PLEKHA6: variants seen among roughly 807,000 people sequenced by gnomAD.
PLEKHA6 encodes the protein pleckstrin homology domain-containing family A member 6.
A neutral mutation model predicts 116.7 loss-of-function variants in PLEKHA6; 60 were observed. The ratio of observed to expected loss-of-function variants is 0.51; its 90% CI spans 0.42 to 0.64. The LOEUF (loss-of-function observed/expected upper bound fraction) is 0.64, where lower values mean the gene tolerates loss of function less well. Among genes scored for constraint, PLEKHA6 ranks in the 30% least tolerant of loss-of-function variants. PLEKHA6 has a pLI of 0.00. For synonymous variants in PLEKHA6, 489 were observed against 556.1 expected (o/e 0.88, Z 1.70); for missense variants, 1,338 against 1,422.7 (o/e 0.94, Z 0.96).
intron 6 of PLEKHA6, among the ~76,000 whole-genome samples, chr1:204,263,572 G>T (rs1666403817): frequency 6.6e-6 from 1 of 152,138 alleles, no homozygotes; most frequent in Non-Finnish European, 1.5e-5. Flanking sequence ...AAGGAGGCGA[G>T]GGGCTGGTGG....
chr1:204,297,731 A>AC (rs1253601553), intron 1 of PLEKHA6: 3 of 212,304 alleles, frequency 1.4e-5, no homozygotes, highest in Non-Finnish European at 2.4e-5. Flanking sequence ...CATTGTCTCA[A>AC]CCCCCCAGCT....
intron 17 of PLEKHA6, among the ~76,000 whole-genome samples, chr1:204,234,087 AG>A (rs1661600118): frequency 6.6e-6 from 1 of 152,196 alleles, no homozygotes; most frequent in African/African-American, 2.4e-5. Context: ...AGGTCTCTGC[AG>A]ATGTAATTAA....
At chr1:204,227,262 G>A (rs1440877189) in intron 21 of PLEKHA6, among the ~76,000 whole-genome samples, 2 of 152,042 alleles carry the variant, frequency 1.3e-5, no homozygotes, top group African/African-American at 4.8e-5. Flanking sequence ...TCTTAACTGT[G>A]GCCTTCAAAG....
At chr1:204,310,930 G>T (rs554759865) in intron 1 of PLEKHA6, among the ~76,000 whole-genome samples, 25 of 152,284 alleles carry the variant, frequency 1.6e-4, no homozygotes, top group Non-Finnish European at 3.4e-4. Context: ...ATGCGGGTGT[G>T]GGGAGGAACT....
In PLEKHA6 at chr1:204,230,443, G is replaced by A. The variant is rs199834775; in HGVS notation, c.2553C>T (p.Pro851=). ...RSLQLPASPA[P]DPSPRPAYKV... is the part of the protein sequence containing the mutation. ...TGTAGGCTGGCCGGGGACTGGGGTC[G>A]GGGGCCGGGCTGGCCGGGAGCTGCA... The change falls in exon 18 of 23, where the codon CCC becomes CCT. Residue 851 remains proline, a synonymous_variant. Coordinates refer to ENST00000272203, the MANE Select transcript of PLEKHA6 (RefSeq NM_014935.5). 446 of 1,584,910 alleles carry A rather than the reference G, an allele frequency of 2.8e-4. 7 individuals are homozygous for A. The East Asian group carries it at 9.8e-3, about 35-fold the overall frequency.
chr1:204,343,766 G>A (rs572145352), intron 1 of PLEKHA6, among the ~76,000 whole-genome samples: 2 of 152,322 alleles, frequency 1.3e-5, no homozygotes, highest in South Asian at 4.1e-4. Flanking sequence ...GCCTGACCAT[G>A]TGCCCGAGAC....
rs1301928115 is a variant in PLEKHA6 at position 204,221,688 on chromosome 1, A to C, written c.*1100T>G. 1 of 152,428 alleles carries C rather than the reference A, an allele frequency of 6.6e-6. No homozygotes were observed. The highest frequency in any genetic ancestry group is 6.5e-5 in the Admixed American group (1 of 15,288). The allele number at this position is 152,428 out of a possible 1,614,324, so 9.4% of individuals were successfully genotyped here. On this transcript the variant is annotated 3_prime_UTR_variant, in exon 23 of 23. Transcript: ENST00000272203. ...GGCCCCAAGGCTGACCACACCCTAC[A>C]TAAGACAAGTCCTTCTCTCTGCCCC...
intron 1 of PLEKHA6, among the ~76,000 whole-genome samples, chr1:204,302,823 C>T (rs1365300406): frequency 6.6e-6 from 1 of 152,032 alleles, no homozygotes; most frequent in Non-Finnish European, 1.5e-5. Flanking sequence ...TTGTGGTGAG[C>T]CGATATCAAG....
At chr1:204,306,623 C>A (rs977440390) in intron 1 of PLEKHA6, among the ~76,000 whole-genome samples, 9 of 152,116 alleles carry the variant, frequency 5.9e-5, no homozygotes, top group Admixed American at 1.3e-4. Flanking sequence ...TCTCACCTTC[C>A]CAACAGACAG....
At chr1:204,281,793 C>T (rs183640018) in intron 1 of PLEKHA6, among the ~76,000 whole-genome samples, 6 of 151,220 alleles carry the variant, frequency 4.0e-5, no homozygotes, top group Admixed American at 3.9e-4. Context: ...CCTCCCTGCC[C>T]CAAGCCAGTT....
chr1:204,281,737 C>T (rs1194822874), intron 1 of PLEKHA6, among the ~76,000 whole-genome samples: 1 of 152,112 alleles, frequency 6.6e-6, no homozygotes, highest in Admixed American at 6.5e-5. Context: ...CTTGCTCATC[C>T]CCCCTTTGAT....
At chr1:204,270,899 G>A (rs1455409124) in intron 3 of PLEKHA6, among the ~76,000 whole-genome samples, 1 of 152,098 alleles carries the variant, frequency 6.6e-6, no homozygotes, top group Non-Finnish European at 1.5e-5. Context: ...TGTGCTCCCT[G>A]GCATTGGGGG....
chr1:204,370,052 A>G (rs901756434), intron 2 of PLEKHA6, among the ~76,000 whole-genome samples: 2 of 152,246 alleles, frequency 1.3e-5, no homozygotes, highest in Non-Finnish European at 2.9e-5. Context: ...CCCTAGTGCA[A>G]GAGCACACTG....
chr1:204,339,492 G>A (rs1051841237), intron 1 of PLEKHA6, among the ~76,000 whole-genome samples: 23 of 152,328 alleles, frequency 1.5e-4, no homozygotes, highest in African/African-American at 4.8e-4. Context: ...GTGAGAAGAA[G>A]AGGAATTGTG....
chr1:204,273,031 G>T (rs1038518387), intron 3 of PLEKHA6, among the ~76,000 whole-genome samples: 51 of 152,128 alleles, frequency 3.4e-4, no homozygotes, highest in African/African-American at 1.2e-3. Flanking sequence ...CCCTTGTCAG[G>T]GTCCCCTGTG....
intron 1 of PLEKHA6, among the ~76,000 whole-genome samples, chr1:204,337,819 C>A (rs112795144): frequency 1.3e-5 from 2 of 152,258 alleles, no homozygotes; most frequent in African/African-American, 4.8e-5. Flanking sequence ...TGGTGAACAA[C>A]GCACACACCC....
intron 1 of PLEKHA6, among the ~76,000 whole-genome samples, chr1:204,338,839 G>C (rs982623303): frequency 6.6e-6 from 1 of 152,194 alleles, no homozygotes; most frequent in Non-Finnish European, 1.5e-5. Context: ...GGCAGACCCC[G>C]GTAGGATGCA....
chr1:204,248,093 C>T (rs1228451559), intron 12 of PLEKHA6, among the ~76,000 whole-genome samples: 2 of 151,492 alleles, frequency 1.3e-5, no homozygotes, highest in Non-Finnish European at 1.5e-5. Flanking sequence ...AGCCATTCTC[C>T]AAGCAGTCTG....
upstream of PLEKHA6, among the ~76,000 whole-genome samples, chr1:204,363,586 C>T (rs1463919146): frequency 6.6e-6 from 1 of 152,162 alleles, no homozygotes; most frequent in East Asian, 1.9e-4. Context: ...CCAGTTTCAC[C>T]GGCGGCGGCT....
Sources: allele counts gnomAD v4.1 joint callset (sites outside exome capture counted in the v4.1 genomes callset), GRCh38; gene constraint gnomAD v4.1.1; transcripts MANE v1.5; gene names NCBI Gene and HGNC (gene_info 2026-07-23, HGNC 2026-07-21).